SLCO1B3: variants seen among roughly 807,000 people sequenced by gnomAD.
The protein encoded by SLCO1B3 is liver-specific organic anion transporter 2.
Under a neutral mutation model 71.8 loss-of-function variants are expected in SLCO1B3, and 72 were observed. The ratio of observed to expected loss-of-function variants is 1.00; its 90% CI spans 0.83 to 1.22. The LOEUF (loss-of-function observed/expected upper bound fraction) is 1.22, where lower values mean the gene tolerates loss of function less well. Among genes scored for constraint, SLCO1B3 ranks in the 50% most tolerant of loss-of-function variants. The pLI is 0.00. For missense variants in SLCO1B3, 911 were observed against 819.7 expected, an observed-to-expected ratio of 1.11 and a Z score of -1.36; for synonymous variants, 298 against 278.4, an observed-to-expected ratio of 1.07 and a Z score of -0.70.
chr12:20,903,926 G>A (rs540220190), intron 15 of SLCO1B3, among the ~76,000 whole-genome samples: 6 of 152,210 alleles, frequency 3.9e-5, no homozygotes, highest in South Asian at 2.1e-4. Context: ...CCACCTATGA[G>A]CCTATTAAAT....
intron 3 of SLCO1B3, among the ~76,000 whole-genome samples, chr12:20,845,535 G>A (rs1032905705): frequency 4.6e-5 from 7 of 152,010 alleles, no homozygotes; most frequent in Admixed American, 4.6e-4. Context: ...TGTGTTAAAT[G>A]TTTACAAGGA....
intron 13 of SLCO1B3, among the ~76,000 whole-genome samples, chr12:20,885,889 C>T (rs953033354): frequency 6.6e-6 from 1 of 151,930 alleles, no homozygotes; most frequent in African/African-American, 2.4e-5. Flanking sequence ...TTAAGGCTTA[C>T]CTGAGAAGAT....
At chr12:20,855,706 T>C (rs1255161843) in intron 4 of SLCO1B3, among the ~76,000 whole-genome samples, 2 of 151,218 alleles carry the variant, frequency 1.3e-5, no homozygotes, top group African/African-American at 2.4e-5. Context: ...GTAATCATTT[T>C]AATTTGGATT....
chr12:20,875,346 C>T lies in SLCO1B3; in HGVS notation c.839C>T (p.Pro280Leu), dbSNP rs1281808593. 14 of 1,611,532 alleles carry T rather than the reference C, an allele frequency of 8.7e-6. No individual in the cohort carries two copies. The highest frequency in any genetic ancestry group is 3.4e-5 in the Admixed American group (2 of 59,654). The change falls in exon 9 of 16, where the codon CCG becomes CTG. Residue 280 changes from proline to leucine, a missense_variant. By Grantham distance (98) the Pro-to-Leu change is moderately conservative. Transcript: ENST00000381545. ...TCTTCCATACCATTTTTTTTCTTGC[C>T]GAAAAATCCAAATAAACCACAAAAA... ...IISSIPFFFL[P>L]KNPNKPQKER...
intron 2 of SLCO1B3, 132 bp from the exon 3 acceptor site, chr12:20,815,539 TGTG>T: frequency 2.1e-6 from 1 of 465,228 alleles, no homozygotes; most frequent in East Asian, 3.6e-5. Context: ...GACCTAGTCC[TGTG>T]GTCAGGAAAT....
chr12:20,869,900 G>A (rs1444340953), intron 8 of SLCO1B3, among the ~76,000 whole-genome samples: 1 of 152,018 alleles, frequency 6.6e-6, no homozygotes, highest in African/African-American at 2.4e-5. Flanking sequence ...ATTTTTTGAG[G>A]AAACTTCATA....
In SLCO1B3 at chr12:20,862,857, A is replaced by T; in HGVS notation, c.727+3A>T. 6.7e-7 allele frequency: 1 copy of T among 1,503,260 alleles called. No individual in the cohort carries two copies. Among genetic ancestry groups the T allele is most frequent in the Non-Finnish European group, 9.3e-7 (1 of 1,080,530 alleles). 93.1% of individuals were successfully genotyped at this position (1,503,260 alleles called of 1,614,324 possible). On this transcript the variant is annotated splice_donor_region_variant and intron_variant, in intron 8 of 15. Coordinates refer to ENST00000381545, the MANE Select transcript of SLCO1B3 (RefSeq NM_019844.4). The stretch of plus-strand genomic sequence containing the variant: ...GGATATTGGATATGTAGATCTGAGT[A>T]AGTACAATTAGAACAAGGTACCATG...
chr12:20,839,642 C>T (rs1864756072), intron 3 of SLCO1B3, among the ~76,000 whole-genome samples: 1 of 151,992 alleles, frequency 6.6e-6, no homozygotes, highest in Non-Finnish European at 1.5e-5. Context: ...TAGGTGGACT[C>T]TTTAAAGCAT....
chr12:20,912,942 G>A (rs373822258), intron 15 of SLCO1B3, among the ~76,000 whole-genome samples: 1 of 151,556 alleles, frequency 6.6e-6, no homozygotes, highest in Non-Finnish European at 1.5e-5. Flanking sequence ...CTCCCAAAGT[G>A]CTGGGATTAC....
In SLCO1B3 at chr12:20,832,287, G is replaced by T. The variant is rs533917265; in HGVS notation, c.84+16465G>T. Among the ~76,000 whole-genome samples the T allele has an allele frequency of 1.3e-4, 20 of 152,170 alleles. 1 individual carries two copies. The South Asian group carries it at 4.2e-3, about 32-fold the overall frequency. ...ATGGAAATGTATAAAAGCCCAAGTAGATTACAAACCCATTTAAATAAAACG... is the reference window on the plus strand; with the variant it reads ...ATGGAAATGTATAAAAGCCCAAGTATATTACAAACCCATTTAAATAAAACG... On this transcript the variant is annotated intron_variant, in intron 3 of 15. Transcript: ENST00000381545.
At chr12:20,870,322 A>C (rs1391302698) in intron 8 of SLCO1B3, among the ~76,000 whole-genome samples, 2 of 151,992 alleles carry the variant, frequency 1.3e-5, no homozygotes, top group African/African-American at 4.8e-5. Flanking sequence ...TGCTGGGTAG[A>C]AGCTTTTTAG....
chr12:20,864,028 G>T (rs953787893), intron 8 of SLCO1B3, among the ~76,000 whole-genome samples: 6 of 151,740 alleles, frequency 4.0e-5, no homozygotes, highest in Non-Finnish European at 8.8e-5. Flanking sequence ...TTTGTTTCCT[G>T]TATTCCCTCT....
At chr12:20,883,874 G>A (rs565347398) in intron 13 of SLCO1B3, among the ~76,000 whole-genome samples, 4 of 152,058 alleles carry the variant, frequency 2.6e-5, no homozygotes, top group African/African-American at 9.7e-5. Flanking sequence ...TTGATTGTAG[G>A]AGAATCTTTG....
In SLCO1B3 at chr12:20,883,439, G is replaced by A. The variant is rs756881404; in HGVS notation, c.1519G>A (p.Val507Met). Residue 507 changes from valine to methionine, a missense_variant, in exon 13 of 16, where the codon GTG becomes ATG. Transcript: ENST00000381545. ...TTAGGTGTTTTATAACTGTAGTTGT[G>A]TGGAAGTAACTGGTCTCCAGAACAG... ...KHTVFYNCSC[V>M]EVTGLQNRNY... is the part of the protein sequence containing the mutation. 7.0e-6 allele frequency: 11 copies of A among 1,562,268 alleles called. No homozygotes were observed. In the African/African-American group the frequency reaches 1.4e-4, roughly 20 times the overall value.
rs1272522243 is a variant in SLCO1B3, at chr12:20,839,737, T to C, written c.85-15291T>C. Among the ~76,000 whole-genome samples, 3 of 152,146 alleles carry C rather than the reference T, an allele frequency of 2.0e-5. No individual in the cohort carries two copies. The East Asian group carries it at 5.8e-4, about 29-fold the overall frequency. ...TTGGGGAAATTCTCAGTTATTATTG[T>C]TTCAAATATTTATTCTGTTTCATAT... On this transcript the variant is annotated intron_variant, in intron 3 of 15. Coordinates refer to ENST00000381545, the MANE Select transcript of SLCO1B3 (RefSeq NM_019844.4).
At chr12:20,840,265 T>C (rs1272853325) in intron 3 of SLCO1B3, among the ~76,000 whole-genome samples, 2 of 152,224 alleles carry the variant, frequency 1.3e-5, no homozygotes, top group African/African-American at 2.4e-5. Flanking sequence ...CTGCTATACA[T>C]GTGCCTTCAA....
intron 3 of SLCO1B3, among the ~76,000 whole-genome samples, chr12:20,843,092 A>G (rs1017549581): frequency 1.3e-5 from 2 of 152,208 alleles, no homozygotes; most frequent in Non-Finnish European, 2.9e-5. Flanking sequence ...TATTTTTAAT[A>G]GAAGCCCCAA....
intron 3 of SLCO1B3, among the ~76,000 whole-genome samples, chr12:20,846,672 C>A (rs1864926693): frequency 6.6e-6 from 1 of 152,104 alleles, no homozygotes; most frequent in Non-Finnish European, 1.5e-5. Flanking sequence ...ATGCAAAAAA[C>A]AGGATTTGAG....
intron 1 of SLCO1B3, among the ~76,000 whole-genome samples, chr12:20,812,274 TG>T (rs1236070167): frequency 6.6e-6 from 1 of 152,030 alleles, no homozygotes; most frequent in African/African-American, 2.4e-5. Flanking sequence ...TTTTTCTGGA[TG>T]GGTATTTTAT....
Sources: allele counts gnomAD v4.1 joint callset (sites outside exome capture counted in the v4.1 genomes callset), GRCh38; gene constraint gnomAD v4.1.1; transcripts MANE v1.5; gene names NCBI Gene and HGNC (gene_info 2026-07-23, HGNC 2026-07-21).